Variants in MGAT4C observed in about 807,000 individuals in gnomAD.
MGAT4C encodes MGAT4 family member C.
In MGAT4C, 19 loss-of-function variants were observed where a neutral mutation model predicts 40.1. The observed-to-expected ratio is 0.47, with a 90% CI of 0.33 to 0.70. MGAT4C has a LOEUF of 0.70. Ranked by LOEUF, MGAT4C falls within the 30% of genes least tolerant of loss-of-function variation. The pLI is 0.02. For missense variants in MGAT4C, 491 were observed against 563.2 expected (o/e 0.87, Z 1.30); for synonymous variants, 181 against 187.1 (o/e 0.97, Z 0.27).
At chr12:86,688,522 A>G (rs1950115598) in intron 2 of MGAT4C, among the ~76,000 whole-genome samples, 1 of 151,866 alleles carries the variant, frequency 6.6e-6, no homozygotes, top group South Asian at 2.1e-4. Context: ...CTTTCAGGAG[A>G]TCCTGTAAGC....
At chr12:86,186,417 T>C (rs10506932) in intron 1 of MGAT4C, among the ~76,000 whole-genome samples, 7,268 of 152,226 alleles carry the variant, frequency 0.048, 572 homozygotes, top group African/African-American at 0.17. Flanking sequence ...AGAATTGTTG[T>C]GACCCTTTCA....
intron 3 of MGAT4C, among the ~76,000 whole-genome samples, chr12:86,422,446 A>G (rs1425195376): frequency 6.6e-6 from 1 of 152,180 alleles, no homozygotes; most frequent in Non-Finnish European, 1.5e-5. Context: ...ATGCATTTGG[A>G]AAAATATCAT....
intron 4 of MGAT4C, among the ~76,000 whole-genome samples, chr12:86,272,016 G>A (rs1952964021): frequency 6.6e-6 from 1 of 151,992 alleles, no homozygotes; most frequent in Admixed American, 6.6e-5. Context: ...AAGGGAAGAG[G>A]ATGAAGAGAA....
At chr12:86,361,902 T>G (rs1396781075) in intron 3 of MGAT4C, among the ~76,000 whole-genome samples, 1 of 152,200 alleles carries the variant, frequency 6.6e-6, no homozygotes, top group Non-Finnish European at 1.5e-5. Context: ...TGTAAACTAG[T>G]TCAACCATTG....
chr12:86,447,485 C>T (rs1034089429), intron 2 of MGAT4C, among the ~76,000 whole-genome samples: 4 of 152,034 alleles, frequency 2.6e-5, no homozygotes, highest in Non-Finnish European at 5.9e-5. Flanking sequence ...ACAATTGTGT[C>T]AATAAACTTA....
chr12:86,800,164 A>G (rs1952199996), intron 1 of MGAT4C, among the ~76,000 whole-genome samples: 1 of 151,850 alleles, frequency 6.6e-6, no homozygotes, highest in Non-Finnish European at 1.5e-5. Context: ...GTCACTGATA[A>G]AGGAAGAAAG....
rs1486814953 is a variant in MGAT4C, at chr12:86,286,310, C to T, written c.-57+47755G>A. On this transcript the variant is annotated intron_variant, in intron 4 of 7. Coordinates refer to the MGAT4C transcript ENST00000548651. ...CAGTAAAAAGAACATTAGAGAGGCC[C>T]TAATTAAAATTCCATCTTTAGCAGT... Among the ~76,000 whole-genome samples, 3 of 152,050 alleles carry T rather than the reference C, an allele frequency of 2.0e-5. No individual in the cohort carries two copies. The South Asian group carries it at 6.2e-4, about 31-fold the overall frequency.
intron 4 of MGAT4C, among the ~76,000 whole-genome samples, chr12:86,326,606 T>C (rs545900067): frequency 1.3e-5 from 2 of 152,252 alleles, no homozygotes; most frequent in South Asian, 4.2e-4. Context: ...ATAACTAGTT[T>C]AGATTCTAAA....
At chr12:86,184,231 G>A (rs979051916) in intron 1 of MGAT4C, among the ~76,000 whole-genome samples, 1 of 151,750 alleles carries the variant, frequency 6.6e-6, no homozygotes, top group Non-Finnish European at 1.5e-5. Context: ...ACAAAAATTA[G>A]CTGGGCATGG....
intron 3 of MGAT4C, among the ~76,000 whole-genome samples, chr12:86,353,078 GA>G (rs1592730602): frequency 6.7e-6 from 1 of 150,236 alleles, no homozygotes; most frequent in East Asian, 2.0e-4. Flanking sequence ...AAAAAAGAAA[GA>G]GATCCAGAAT....
chr12:86,448,261 C>T (rs376741847), intron 2 of MGAT4C, among the ~76,000 whole-genome samples: 2 of 152,132 alleles, frequency 1.3e-5, no homozygotes, highest in Non-Finnish European at 2.9e-5. Flanking sequence ...CTTTCCTTCT[C>T]AGCACTTGCC....
intron 4 of MGAT4C, among the ~76,000 whole-genome samples, chr12:86,298,907 T>G (rs1316118364): frequency 6.7e-6 from 1 of 149,614 alleles, no homozygotes; most frequent in Non-Finnish European, 1.5e-5. Flanking sequence ...TTTATTTATA[T>G]TTTCTATACT....
At chr12:86,837,804 T>TAC (rs202146403) in intron 1 of MGAT4C, among the ~76,000 whole-genome samples, 5 of 152,124 alleles carry the variant, frequency 3.3e-5, no homozygotes, top group East Asian at 3.9e-4. Context: ...ATACAGAACA[T>TAC]ACACACACAC....
chr12:86,406,042 ATAAT>A (rs1956466008), intron 3 of MGAT4C, among the ~76,000 whole-genome samples: 1 of 144,504 alleles, frequency 6.9e-6, no homozygotes, highest in African/African-American at 2.5e-5. Context: ...ACAATTATAT[ATAAT>A]TATTATATAT....
chr12:86,667,744 A>T (rs991533890), intron 2 of MGAT4C, among the ~76,000 whole-genome samples: 1 of 152,120 alleles, frequency 6.6e-6, no homozygotes, highest in East Asian at 1.9e-4. Context: ...TTTTCTTATG[A>T]TTATATTTCC....
intron 3 of MGAT4C, among the ~76,000 whole-genome samples, chr12:86,364,423 G>T (rs1026712221): frequency 6.6e-6 from 1 of 152,084 alleles, no homozygotes; most frequent in Non-Finnish European, 1.5e-5. Context: ...GATTTTTAGA[G>T]TTTGAGGTCT....
At chr12:86,599,963 G>C (rs574189095) in intron 2 of MGAT4C, among the ~76,000 whole-genome samples, 1 of 151,766 alleles carries the variant, frequency 6.6e-6, no homozygotes, top group East Asian at 1.9e-4. Flanking sequence ...TTGCAGTCCA[G>C]GGAAGGATAT....
chr12:86,394,532 T>TTTTAA (rs1956215333), intron 3 of MGAT4C, among the ~76,000 whole-genome samples: 1 of 145,648 alleles, frequency 6.9e-6, no homozygotes, highest in African/African-American at 2.5e-5. Context: ...TTATATATTT[T>TTTTAA]ATACATATAT....
At chr12:86,073,030 T>C (rs1421586385) in intron 1 of MGAT4C, among the ~76,000 whole-genome samples, 1 of 152,174 alleles carries the variant, frequency 6.6e-6, no homozygotes, top group Non-Finnish European at 1.5e-5. Flanking sequence ...CTCACACAAA[T>C]CTCATCTTGA....
Sources: gnomAD v4.1 joint callset for allele counts (sites outside exome capture counted in the v4.1 genomes callset) on GRCh38, gnomAD v4.1.1 for gene constraint, MANE v1.5 for transcripts, NCBI Gene and HGNC (gene_info 2026-07-23, HGNC 2026-07-21) for gene names.